The following FBXO7 variants were observed in gnomAD, a reference collection of about 807,000 sequenced individuals.
FBXO7 encodes F-box protein 7.
In FBXO7, 31 loss-of-function variants were observed where a neutral mutation model predicts 50.2. The observed-to-expected ratio is 0.62, with a 90% CI of 0.46 to 0.83. The LOEUF (loss-of-function observed/expected upper bound fraction) is 0.83. Among genes scored for constraint, FBXO7 ranks in the 40% least tolerant of loss-of-function variants. The pLI is 0.00. For missense variants in FBXO7, 667 were observed against 646.6 expected (o/e 1.03, Z -0.34); for synonymous variants, 256 against 253.1 (o/e 1.01, Z -0.11).
At chr22:32,480,752 C>T (rs185320399) in intron 2 of FBXO7, among the ~76,000 whole-genome samples, 15 of 152,094 alleles carry the variant, frequency 9.9e-5, no homozygotes, top group Non-Finnish European at 1.9e-4. Flanking sequence ...TCACTGCAAC[C>T]CTACCCTTCC....
At chr22:32,486,895 G>T (rs2057502378) in intron 4 of FBXO7, among the ~76,000 whole-genome samples, 1 of 152,152 alleles carries the variant, frequency 6.6e-6, no homozygotes, top group Non-Finnish European at 1.5e-5. Context: ...AACTTGCAAG[G>T]TTGGAGTTAC....
chr22:32,485,333 T>A, intron 4 of FBXO7, 124 bp downstream of exon 4: 1 of 1,245,176 alleles, frequency 8.0e-7, no homozygotes, highest in South Asian at 1.2e-5. Context: ...TCAACTGTAT[T>A]TAATTCCTAG....
chr22:32,488,928 A>C (rs1013898215), intron 5 of FBXO7: 10 of 152,140 alleles, frequency 6.6e-5, no homozygotes, highest in African/African-American at 2.2e-4. Context: ...CTTCTGCCTC[A>C]GCCTCCTGAG....
chr22:32,498,375 C>G lies in FBXO7; in HGVS notation c.1414C>G (p.Pro472Ala). The change falls in exon 9 of 9, where the codon CCC becomes GCC. Residue 472 changes from proline (P) to alanine (A), a missense_variant. Pro to Ala is a conservative substitution (Grantham distance 27). Transcript: ENST00000266087. ...ACTCATTCCTGGTCCTGGGGAGACG[C>G]CCAGCCAGTTTCCTCCACTGAGACC... ...SSLIPGPGETPSQFPPLRPRF... is the reference protein window; with the variant it reads ...SSLIPGPGETASQFPPLRPRF... 6.2e-7 allele frequency: 1 copy of G among 1,614,170 alleles called. No homozygotes were observed. Among genetic ancestry groups the G allele is most frequent in the Non-Finnish European group, 8.5e-7 (1 of 1,180,030 alleles).
At chr22:32,482,554 A>G (rs539405134) in intron 2 of FBXO7, among the ~76,000 whole-genome samples, 77 of 152,314 alleles carry the variant, frequency 5.1e-4, no homozygotes, top group Non-Finnish European at 9.4e-4. Context: ...CTGAACTGCA[A>G]GTTTAGAGAT....
chr22:32,479,356 G>C, intron 2 of FBXO7, 81 bp downstream of exon 2: 1 of 1,335,668 alleles, frequency 7.5e-7, no homozygotes, highest in South Asian at 1.2e-5. Context: ...GTTCCAGTCA[G>C]GATAATTATC....
rs572671440 is a variant in FBXO7 at position 32,481,862 on chromosome 22, T to C, written c.418-2035T>C. On this transcript the variant is annotated intron_variant, in intron 2 of 8. Coordinates refer to ENST00000266087, the MANE Select transcript of FBXO7 (RefSeq NM_012179.4). ...ATGACATATGGCAAAATGATCTGTT[T>C]AGAGAGGTGTGGTGCTCACCTTTTT... Among the ~76,000 whole-genome samples, 27 of 143,704 alleles carry C rather than the reference T, an allele frequency of 1.9e-4. No individual in the cohort carries two copies. In the East Asian group the frequency reaches 4.9e-3, roughly 26 times the overall value. The allele number at this position is 143,704 out of a possible 152,430, so 94.3% of individuals were successfully genotyped here.
At chr22:32,475,624 C>T (rs1441017283) in intron 1 of FBXO7, 3 of 549,366 alleles carry the variant, frequency 5.5e-6, no homozygotes, top group African/African-American at 4.0e-5. Context: ...CCGAGGCCAC[C>T]GGTAGCTTGT....
At chr22:32,478,664 G>A (rs2057443983) in intron 1 of FBXO7, among the ~76,000 whole-genome samples, 1 of 152,180 alleles carries the variant, frequency 6.6e-6, no homozygotes, top group Non-Finnish European at 1.5e-5. Flanking sequence ...AGGCTGCCAT[G>A]AGCTGTGATT....
intron 5 of FBXO7, chr22:32,488,187 A>C (rs978092951): frequency 6.8e-5 from 12 of 175,440 alleles, no homozygotes; most frequent in Admixed American, 5.8e-5. Context: ...TATGGAGGGG[A>C]TCTGTGTTTC....
chr22:32,483,321 A>G (rs1352885512), intron 2 of FBXO7, among the ~76,000 whole-genome samples: 1 of 152,210 alleles, frequency 6.6e-6, no homozygotes, highest in Non-Finnish European at 1.5e-5. Context: ...TTCCGTGTGC[A>G]CCACCTTTTT....
chr22:32,492,984 G>A lies in FBXO7; in HGVS notation c.968-121G>A, dbSNP rs181070694. On this transcript the variant is annotated intron_variant, in intron 6 of 8. Coordinates refer to ENST00000266087, the MANE Select transcript of FBXO7 (RefSeq NM_012179.4). ...ATGATGCATACTTGGGGATAATTAAGAGTACCATCTAATTTTCTGTCACTT... is the reference window on the plus strand; with the variant it reads ...ATGATGCATACTTGGGGATAATTAAAAGTACCATCTAATTTTCTGTCACTT... 452 of 937,774 alleles carry A rather than the reference G, an allele frequency of 4.8e-4. 1 individual carries two copies. The highest frequency in any genetic ancestry group is 7.2e-4 in the Non-Finnish European group (411 of 568,810). 58.1% of individuals were successfully genotyped at this position (937,774 alleles called of 1,614,324 possible).
At chr22:32,482,723 CATT>C (rs2057472778) in intron 2 of FBXO7, among the ~76,000 whole-genome samples, 1 of 152,162 alleles carries the variant, frequency 6.6e-6, no homozygotes, top group South Asian at 2.1e-4. Flanking sequence ...AAAATAAAGA[CATT>C]ATGAAGTTGT....
chr22:32,479,538 A>AGG (rs1292895896), intron 2 of FBXO7, among the ~76,000 whole-genome samples: 1 of 151,730 alleles, frequency 6.6e-6, no homozygotes, highest in East Asian at 1.9e-4. Flanking sequence ...CTGGGACTAG[A>AGG]GGTGCACACC....
intron 8 of FBXO7, among the ~76,000 whole-genome samples, chr22:32,497,142 GAA>G (rs759101485): frequency 6.6e-6 from 1 of 152,220 alleles, no homozygotes; most frequent in African/African-American, 2.4e-5. Context: ...GATAAAGAGA[GAA>G]AGTGGTTTCT....
At chr22:32,476,187 C>A (rs2057427447) in intron 1 of FBXO7, among the ~76,000 whole-genome samples, 2 of 151,774 alleles carry the variant, frequency 1.3e-5, no homozygotes, top group East Asian at 3.9e-4. Flanking sequence ...TGAAAGTAAG[C>A]CTGTTTTCTT....
chr22:32,489,952 A>G (rs1260366738), intron 5 of FBXO7: 1 of 152,252 alleles, frequency 6.6e-6, no homozygotes, highest in African/African-American at 2.4e-5. Context: ...ATCAATTTTC[A>G]CATTTGAAAA....
At chr22:32,492,938 G>A in intron 6 of FBXO7, 167 bp from the exon 7 acceptor site, 1 of 699,176 alleles carries the variant, frequency 1.4e-6, no homozygotes, top group Non-Finnish European at 2.6e-6. Flanking sequence ...TAGTCAAGCT[G>A]GGGTTAAAAA....
chr22:32,489,371 GC>G (rs1300260479), intron 5 of FBXO7: 3 of 152,196 alleles, frequency 2.0e-5, no homozygotes, highest in Admixed American at 6.5e-5. Context: ...GGTATAGATG[GC>G]TTTTATCATG....
Sources: allele counts gnomAD v4.1 joint callset (sites outside exome capture counted in the v4.1 genomes callset), GRCh38; gene constraint gnomAD v4.1.1; transcripts MANE v1.5; gene names NCBI Gene and HGNC (gene_info 2026-07-23, HGNC 2026-07-21).